The following C17orf99 variants were observed in gnomAD, a reference collection of about 807,000 sequenced individuals.
The protein encoded by C17orf99 is chromosome 17 open reading frame 99.
C17orf99 carries 18 observed loss-of-function variants against 22.6 expected under a neutral mutation model. That is an observed-to-expected ratio of 0.80 (90% CI 0.55 to 1.18). The LOEUF (loss-of-function observed/expected upper bound fraction) is 1.18, where lower values mean the gene tolerates loss of function less well. Ranked by LOEUF, C17orf99 falls within the 50% of genes most tolerant of loss-of-function variation. The probability of loss-of-function intolerance (pLI) is 0.00; values close to 1 mark genes in which losing one functional copy is unlikely to be tolerated. For missense variants in C17orf99, 328 were observed against 342.7 expected (o/e 0.96, Z 0.34); for synonymous variants, 147 against 136.6 (o/e 1.08, Z -0.53).
In C17orf99 at chr17:78,161,248, T is replaced by TG. The variant is rs1316602096; in HGVS notation, c.366dup (p.Ser123ValfsTer6). ...CAGGCTACAGATGCACTGGGAGCTG[T>TG]GGTCCAGTGAGTGCGGTGGGGGGCA... On this transcript the variant is annotated frameshift_variant, in exon 3 of 5. Coordinates refer to ENST00000340363, the MANE Select transcript of C17orf99 (RefSeq NM_001163075.2). LOFTEE classifies it high-confidence loss of function. 6.4e-7 allele frequency: 1 copy of TG among 1,551,300 alleles called. No individual in the cohort carries two copies. Among genetic ancestry groups the TG allele is most frequent in the Non-Finnish European group, 8.7e-7 (1 of 1,146,724 alleles).
In C17orf99 at chr17:78,165,949, C is replaced by T. The variant is rs922729853; in HGVS notation, c.701C>T (p.Pro234Leu). ...CTGGAGAGCCCCATCCTTGCCTTGC[C>T]GCTCTACAGGAGCACCCGCCGTCTG... ...GPLESPILALPLYRSTRRLSE... is the reference protein window; with the variant it reads ...GPLESPILALLLYRSTRRLSE... Residue 234 changes from proline to leucine, a missense_variant, in exon 5 of 5, where the codon CCG becomes CTG. Transcript: ENST00000340363. 84 of 1,484,920 alleles carry T rather than the reference C, an allele frequency of 5.7e-5. No homozygotes were observed. The highest frequency in any genetic ancestry group is 1.9e-4 in the Middle Eastern group (1 of 5,344). 92.0% of individuals were successfully genotyped at this position (1,484,920 alleles called of 1,614,324 possible). A position where few individuals can be genotyped will look rare whatever the true frequency, so the allele number is the denominator to read the frequency against.
Position 78,165,935 on chromosome 17 carries a change from C to A in C17orf99, c.687C>A (p.Pro229=). Reference sequence around the variant, plus strand: ...ACTGGCAGGGTCCCCTGGAGAGCCCCATCCTTGCCTTGCCGCTCTACAGGA... The same window carrying A: ...ACTGGCAGGGTCCCCTGGAGAGCCCAATCCTTGCCTTGCCGCTCTACAGGA... ...MEDWQGPLES[P]ILALPLYRST... The change falls in exon 5 of 5, where the codon CCC becomes CCA. Residue 229 remains proline (P), a synonymous_variant. Transcript: ENST00000340363. The A allele has an allele frequency of 6.8e-7, 1 of 1,472,388 alleles. No homozygotes were observed. The highest frequency in any genetic ancestry group is 9.1e-7 in the Non-Finnish European group (1 of 1,098,580). The allele number at this position is 1,472,388 out of a possible 1,614,324, so 91.2% of individuals were successfully genotyped here. A position where few individuals can be genotyped will look rare whatever the true frequency, so the allele number is the denominator to read the frequency against.
chr17:78,154,164 G>A (rs2075507745), intron 2 of C17orf99, among the ~76,000 whole-genome samples: 2 of 151,484 alleles, frequency 1.3e-5, no homozygotes, highest in African/African-American at 2.4e-5. Context: ...GGCCTCAAAC[G>A]ATTCACCCTC....
intron 2 of C17orf99, among the ~76,000 whole-genome samples, chr17:78,149,833 C>T (rs8071017): frequency 0.22 from 32,812 of 151,710 alleles, 4,886 homozygotes; most frequent in East Asian, 0.43. Flanking sequence ...CCTCAGCCTC[C>T]TCAGTAGCTG....
At chr17:78,155,492 G>A (rs978168853) in intron 2 of C17orf99, among the ~76,000 whole-genome samples, 2 of 151,660 alleles carry the variant, frequency 1.3e-5, no homozygotes, top group African/African-American at 2.4e-5. Flanking sequence ...TTTTTCTTTC[G>A]ATTAAATAGA....
Position 78,164,369 on chromosome 17 carries a change from G to C in C17orf99, c.640+5G>C. 1.3e-6 allele frequency: 2 copies of C among 1,551,366 alleles called. No homozygotes were observed. The highest frequency in any genetic ancestry group is 1.2e-5 in the South Asian group (1 of 84,062). ...CCCTCACAGTGGTGCCCCCAGGTGA[G>C]AGGGCCCTTGGATTTCCAGAGGGGC... On this transcript the variant is annotated splice_donor_5th_base_variant and intron_variant, in intron 4 of 4. Coordinates refer to ENST00000340363, the MANE Select transcript of C17orf99 (RefSeq NM_001163075.2).
At chr17:78,158,335 C>T in intron 2 of C17orf99, 1 of 354,494 alleles carries the variant, frequency 2.8e-6, no homozygotes, top group South Asian at 2.4e-5. Context: ...CGCCCTGTCG[C>T]CCAGGCTGGA....
intron 2 of C17orf99, among the ~76,000 whole-genome samples, chr17:78,153,097 TA>T (rs199660577): frequency 2.4e-4 from 35 of 147,998 alleles, no homozygotes; most frequent in African/African-American, 6.9e-4. Context: ...AAAAATAAAT[TA>T]AAAAAAAAAT....
At chr17:78,161,862 G>GA (rs567296977) in intron 3 of C17orf99, among the ~76,000 whole-genome samples, 3 of 151,088 alleles carry the variant, frequency 2.0e-5, no homozygotes, top group East Asian at 1.9e-4. Flanking sequence ...AAAAAGAAAC[G>GA]AAAAAAAAGT....
chr17:78,164,443 G>A (rs751187497), intron 4 of C17orf99, 79 bp downstream of exon 4: 8 of 1,549,520 alleles, frequency 5.2e-6, no homozygotes, highest in East Asian at 2.4e-5. Flanking sequence ...GACACAGGTC[G>A]ATGGGAAGTG....
At chr17:78,152,427 C>G (rs1449798002) in intron 2 of C17orf99, among the ~76,000 whole-genome samples, 1 of 151,784 alleles carries the variant, frequency 6.6e-6, no homozygotes, top group Non-Finnish European at 1.5e-5. Flanking sequence ...CTCCACCTTC[C>G]AGGTTCAAGA....
In C17orf99 at chr17:78,165,883, G is replaced by A. The variant is rs1217236165; in HGVS notation, c.641-6G>A. 18 of 1,338,096 alleles carry A rather than the reference G, an allele frequency of 1.3e-5. No individual in the cohort carries two copies. Among genetic ancestry groups the A allele is most frequent in the Non-Finnish European group, 1.8e-5 (18 of 1,027,938 alleles). 82.9% of individuals were successfully genotyped at this position (1,338,096 alleles called of 1,614,324 possible). A position where few individuals can be genotyped will look rare whatever the true frequency, so the allele number is the denominator to read the frequency against. On this transcript the variant is annotated splice_polypyrimidine_tract_variant and splice_region_variant and intron_variant, in intron 4 of 4. Coordinates refer to ENST00000340363, the MANE Select transcript of C17orf99 (RefSeq NM_001163075.2). ...GCCTGACTTGAGTCTCCACTGCTTTGTCAAGGTGGTGACCAGAAGATGGAG... is the reference window on the plus strand; with the variant it reads ...GCCTGACTTGAGTCTCCACTGCTTTATCAAGGTGGTGACCAGAAGATGGAG...
chr17:78,157,584 G>C, intron 2 of C17orf99: 2 of 611,588 alleles, frequency 3.3e-6, no homozygotes, highest in South Asian at 3.4e-5. Flanking sequence ...GGATCACAAG[G>C]TCAGGAGATC....
chr17:78,149,601 A>C (rs1191017875), intron 2 of C17orf99, among the ~76,000 whole-genome samples: 2 of 151,934 alleles, frequency 1.3e-5, no homozygotes, highest in Non-Finnish European at 2.9e-5. Context: ...TGGCACAATC[A>C]CCGCTCACTG....
At chr17:78,156,330 C>CAAAA in intron 2 of C17orf99, among the ~76,000 whole-genome samples, 1 of 90,184 alleles carries the variant, frequency 1.1e-5, no homozygotes, top group Non-Finnish European at 1.9e-5. Flanking sequence ...ACTCCTTCTC[C>CAAAA]AGAAAAAAAA....
intron 3 of C17orf99, among the ~76,000 whole-genome samples, chr17:78,161,870 A>G (rs1010702377): frequency 2.0e-5 from 3 of 151,832 alleles, no homozygotes; most frequent in Non-Finnish European, 4.4e-5. Context: ...ACGAAAAAAA[A>G]GTTAGGCACG....
intron 2 of C17orf99, among the ~76,000 whole-genome samples, chr17:78,152,555 G>A (rs1349811203): frequency 2.6e-5 from 4 of 151,662 alleles, no homozygotes; most frequent in Admixed American, 6.6e-5. Context: ...GGCTGGTCTC[G>A]AACTTCTGAG....
chr17:78,151,009 G>C (rs567083112), intron 2 of C17orf99, among the ~76,000 whole-genome samples: 1 of 152,176 alleles, frequency 6.6e-6, no homozygotes, highest in East Asian at 1.9e-4. Flanking sequence ...TGTAATCCCA[G>C]CTACTCAGGA....
At chr17:78,145,857 G>A (rs148796003), upstream of C17orf99, among the ~76,000 whole-genome samples, 261 of 147,642 alleles carry the variant, frequency 1.8e-3, 1 homozygote, top group Non-Finnish European at 3.2e-3. Flanking sequence ...GTGCAGTAGC[G>A]TGATCTTGGC....
Sources: gnomAD v4.1 joint callset for allele counts (sites outside exome capture counted in the v4.1 genomes callset) on GRCh38, gnomAD v4.1.1 for gene constraint, MANE v1.5 for transcripts, NCBI Gene and HGNC (gene_info 2026-07-23, HGNC 2026-07-21) for gene names.